PIWIL1: variants seen among roughly 807,000 people sequenced by gnomAD.
PIWIL1 encodes piwi like RNA-mediated gene silencing 1, also known as piwi-like protein 1.
Under a neutral mutation model 114.4 loss-of-function variants are expected in PIWIL1, and 73 were observed. The ratio of observed to expected loss-of-function variants is 0.64; its 90% CI spans 0.53 to 0.78. PIWIL1 has a LOEUF of 0.78. Ranked by LOEUF, PIWIL1 falls within the 30% of genes least tolerant of loss-of-function variation. PIWIL1 has a pLI of 0.00. For synonymous variants in PIWIL1, 375 were observed against 369.0 expected, an observed-to-expected ratio of 1.02 and a Z score of -0.19; for missense variants, 723 against 1,063.1, an observed-to-expected ratio of 0.68 and a Z score of 4.45.
the PIWIL1 span, among the ~76,000 whole-genome samples, chr12:130,415,991 A>C: frequency 6.7e-6 from 1 of 148,346 alleles, no homozygotes; most frequent in Non-Finnish European, 1.5e-5. Flanking sequence ...AATATACAGA[A>C]TACATCTAAC....
the PIWIL1 span, among the ~76,000 whole-genome samples, chr12:130,403,020 G>A: frequency 2.0e-5 from 3 of 152,202 alleles, no homozygotes; most frequent in African/African-American, 2.4e-5. Flanking sequence ...GGAGTCCCTC[G>A]GGGGTCCCTG....
At chr12:130,407,830 CTG>C in the PIWIL1 span, 1 of 1,612,902 alleles carries the variant, frequency 6.2e-7, no homozygotes, top group African/African-American at 1.3e-5. Flanking sequence ...CTGCTTCTCT[CTG>C]TTCAGATCAC....
At chr12:130,347,561 G>T (rs139177870) in intron 6 of PIWIL1, among the ~76,000 whole-genome samples, 107 of 152,302 alleles carry the variant, frequency 7.0e-4, no homozygotes, top group Non-Finnish European at 1.2e-3. Flanking sequence ...GAGAATAGTA[G>T]GGCATAATAC....
chr12:130,395,636 T>C, the PIWIL1 span, among the ~76,000 whole-genome samples: 1 of 152,236 alleles, frequency 6.6e-6, no homozygotes, highest in Non-Finnish European at 1.5e-5. Context: ...GTAGCAATTA[T>C]GAGATAAATT....
the PIWIL1 span, among the ~76,000 whole-genome samples, chr12:130,410,280 A>C: frequency 6.6e-6 from 1 of 152,186 alleles, no homozygotes; most frequent in Non-Finnish European, 1.5e-5. Context: ...TCTGAATGCA[A>C]ATCCTTTTTC....
the PIWIL1 span, among the ~76,000 whole-genome samples, chr12:130,402,624 G>A: frequency 6.6e-5 from 10 of 152,022 alleles, no homozygotes; most frequent in Admixed American, 2.6e-4. Context: ...TCTCTCCTAC[G>A]CCTCATTTCC....
intron 4 of PIWIL1, 38 bp from the exon 5 acceptor site, chr12:130,346,332 T>C: frequency 6.8e-7 from 1 of 1,478,700 alleles, no homozygotes; most frequent in Middle Eastern, 1.8e-4. Context: ...AAAAATAAAC[T>C]TGATATTTTG....
the PIWIL1 span, chr12:130,399,829 T>A: frequency 6.2e-7 from 1 of 1,613,520 alleles, no homozygotes; most frequent in Non-Finnish European, 8.5e-7. Flanking sequence ...ACACCAGGGG[T>A]GAGGCAGAAG....
downstream of PIWIL1, among the ~76,000 whole-genome samples, chr12:130,377,056 T>C (rs2073872592): frequency 6.6e-6 from 1 of 152,194 alleles, no homozygotes; most frequent in African/African-American, 2.4e-5. Context: ...GCGTGCAGCC[T>C]AGACACCTAC....
In PIWIL1 at chr12:130,357,520, C is replaced by G. The variant is rs1392650498; in HGVS notation, c.1632C>G (p.Val544=). ...VDDRTEAYLR[V]LQQKVTADTQ... is the part of the protein sequence containing the mutation. ...ACAGAACTGAAGCCTACTTAAGAGT[C>G]TTACAGCAAAAGGTCACAGCAGACA... The change falls in exon 14 of 21, where the codon GTC becomes GTG. Residue 544 remains valine (V), a synonymous_variant. Coordinates refer to ENST00000245255, the MANE Select transcript of PIWIL1 (RefSeq NM_004764.5). 1 of 1,613,388 alleles carries G rather than the reference C, an allele frequency of 6.2e-7. No individual in the cohort carries two copies. The highest frequency in any genetic ancestry group is 8.5e-7 in the Non-Finnish European group (1 of 1,179,440).
At chr12:130,392,022 G>A in the PIWIL1 span, among the ~76,000 whole-genome samples, 2 of 132,056 alleles carry the variant, frequency 1.5e-5, no homozygotes, top group East Asian at 2.2e-4. Flanking sequence ...TCACGTGTGT[G>A]CGTCAGTTAC....
chr12:130,416,046 A>G, the PIWIL1 span, among the ~76,000 whole-genome samples: 1 of 152,290 alleles, frequency 6.6e-6, no homozygotes, highest in South Asian at 2.1e-4. Flanking sequence ...AAAGATCTCT[A>G]CAAGGAGAAC....
At chr12:130,385,843 C>A in the PIWIL1 span, among the ~76,000 whole-genome samples, 4 of 152,296 alleles carry the variant, frequency 2.6e-5, no homozygotes, top group Non-Finnish European at 4.4e-5. Context: ...CTCCTCCCTT[C>A]CCTCCAATTT....
the PIWIL1 span, chr12:130,398,212 A>C: frequency 2.0e-5 from 3 of 152,224 alleles, no homozygotes; most frequent in African/African-American, 7.2e-5. Flanking sequence ...AGAGGGGTAG[A>C]CTTTTACTCT....
the PIWIL1 span, among the ~76,000 whole-genome samples, chr12:130,379,386 C>T: frequency 6.6e-6 from 1 of 151,432 alleles, no homozygotes; most frequent in Non-Finnish European, 1.5e-5. Flanking sequence ...CCTTCAACTC[C>T]CTCATCCCAA....
chr12:130,355,702 T>C (rs751234852), intron 12 of PIWIL1, 35 bp downstream of exon 12: 3 of 1,430,396 alleles, frequency 2.1e-6, no homozygotes, highest in Non-Finnish European at 2.0e-6. Context: ...GTTGTTGTTT[T>C]TGAGACGGAG....
chr12:130,363,614 T>TTTC (rs1384332251), intron 18 of PIWIL1, among the ~76,000 whole-genome samples: 1 of 108,990 alleles, frequency 9.2e-6, no homozygotes, highest in African/African-American at 6.3e-5. Flanking sequence ...CTTTCTCCCT[T>TTTC]TTTTTTTTTT....
the PIWIL1 span, among the ~76,000 whole-genome samples, chr12:130,415,367 A>T: frequency 2.6e-3 from 393 of 152,338 alleles, 12 homozygotes; most frequent in East Asian, 0.069. Flanking sequence ...TGATTAAAAA[A>T]ACCCTCAACA....
the PIWIL1 span, among the ~76,000 whole-genome samples, chr12:130,384,996 A>T: frequency 6.6e-6 from 1 of 152,240 alleles, no homozygotes; most frequent in Non-Finnish European, 1.5e-5. Flanking sequence ...AACAATAAAC[A>T]CAACATCTCT....
Sources: allele counts gnomAD v4.1 joint callset (sites outside exome capture counted in the v4.1 genomes callset), GRCh38; gene constraint gnomAD v4.1.1; transcripts MANE v1.5; gene names NCBI Gene and HGNC (gene_info 2026-07-23, HGNC 2026-07-21).